Variants in EDIL3 observed in about 807,000 individuals in gnomAD.
EDIL3 encodes the protein EGF-like repeat and discoidin I-like domain-containing protein 3.
Under a neutral mutation model 67.4 loss-of-function variants are expected in EDIL3, and 37 were observed. The ratio of observed to expected loss-of-function variants is 0.55; its 90% CI spans 0.42 to 0.72. EDIL3 has a LOEUF of 0.72. Among genes scored for constraint, EDIL3 ranks in the 30% least tolerant of loss-of-function variants. EDIL3 has a pLI of 0.00. For synonymous variants in EDIL3, 195 were observed against 196.3 expected (o/e 0.99, Z 0.05); for missense variants, 527 against 586.3 (o/e 0.90, Z 1.04).
At chr5:84,257,642 A>T (rs1745145434) in intron 1 of EDIL3, among the ~76,000 whole-genome samples, 1 of 152,154 alleles carries the variant, frequency 6.6e-6, no homozygotes, top group African/African-American at 2.4e-5. Context: ...AATATAGTAG[A>T]TTCAGTTTTA....
chr5:84,343,634 A>G (rs143494131), intron 1 of EDIL3, among the ~76,000 whole-genome samples: 1,910 of 152,166 alleles, frequency 0.013, 50 homozygotes, highest in African/African-American at 0.044. Flanking sequence ...ATCTAACCAA[A>G]CAAACATTAA....
chr5:84,126,043 A>T (rs955685723), intron 5 of EDIL3, among the ~76,000 whole-genome samples: 5 of 151,984 alleles, frequency 3.3e-5, no homozygotes, highest in African/African-American at 1.2e-4. Flanking sequence ...TACAGGTTAC[A>T]AAGTGACTAA....
At chr5:84,322,887 C>CGT (rs1363155613) in intron 1 of EDIL3, among the ~76,000 whole-genome samples, 1 of 151,944 alleles carries the variant, frequency 6.6e-6, no homozygotes, top group East Asian at 1.9e-4. Context: ...AGAAACTATA[C>CGT]AGACCAGAAG....
intron 6 of EDIL3, among the ~76,000 whole-genome samples, chr5:84,100,483 C>A (rs1280852695): frequency 6.6e-6 from 1 of 151,992 alleles, no homozygotes; most frequent in Non-Finnish European, 1.5e-5. Flanking sequence ...AAAAGAAAAC[C>A]AAACACCACA....
intron 3 of EDIL3, among the ~76,000 whole-genome samples, chr5:84,191,943 G>T (rs2112368590): frequency 6.6e-6 from 1 of 152,036 alleles, no homozygotes; most frequent in East Asian, 1.9e-4. Flanking sequence ...AAATATGTGA[G>T]GGGCTTTATC....
chr5:84,036,141 C>A (rs1746018502), intron 9 of EDIL3, among the ~76,000 whole-genome samples: 2 of 152,126 alleles, frequency 1.3e-5, no homozygotes, highest in African/African-American at 4.8e-5. Context: ...TCCTGAGTAA[C>A]CTGAATGATG....
At chr5:84,208,419 C>T (rs1023446586) in intron 3 of EDIL3, among the ~76,000 whole-genome samples, 1 of 151,884 alleles carries the variant, frequency 6.6e-6, no homozygotes, top group Non-Finnish European at 1.5e-5. Flanking sequence ...GTGGCTCACG[C>T]CTGTAATCCC....
chr5:84,343,394 A>T (rs1294079869), intron 1 of EDIL3, among the ~76,000 whole-genome samples: 1 of 152,026 alleles, frequency 6.6e-6, no homozygotes, highest in Admixed American at 6.6e-5. Flanking sequence ...CAGGTCTTTA[A>T]GTCCTTTTAA....
At chr5:84,205,108 G>T (rs1046568921) in intron 3 of EDIL3, among the ~76,000 whole-genome samples, 11 of 149,980 alleles carry the variant, frequency 7.3e-5, no homozygotes, top group African/African-American at 2.7e-4. Context: ...TAGAGATAGG[G>T]TCTCACCTTG....
intron 1 of EDIL3, among the ~76,000 whole-genome samples, chr5:84,384,086 C>T (rs1399165533): frequency 6.6e-6 from 1 of 152,116 alleles, no homozygotes; most frequent in Admixed American, 6.5e-5. Flanking sequence ...CTGTATCTCA[C>T]CCCGGTACCC....
At chr5:84,159,144 C>T (rs1337634087) in intron 4 of EDIL3, among the ~76,000 whole-genome samples, 1 of 152,016 alleles carries the variant, frequency 6.6e-6, no homozygotes, top group Non-Finnish European at 1.5e-5. Flanking sequence ...CTTTTTGCCA[C>T]TCTGCAATAC....
At chr5:84,241,731 A>G (rs1744797292) in intron 2 of EDIL3, among the ~76,000 whole-genome samples, 1 of 151,512 alleles carries the variant, frequency 6.6e-6, no homozygotes, top group African/African-American at 2.4e-5. Flanking sequence ...GTCAGTACTT[A>G]TTGGACATTT....
intron 9 of EDIL3, among the ~76,000 whole-genome samples, chr5:84,034,685 A>G (rs751925780): frequency 3.3e-5 from 5 of 152,220 alleles, no homozygotes; most frequent in Non-Finnish European, 7.3e-5. Flanking sequence ...CAGTTCTACA[A>G]TAATCCCTTG....
At chr5:84,099,585 G>A (rs1024611318) in intron 6 of EDIL3, among the ~76,000 whole-genome samples, 3 of 138,028 alleles carry the variant, frequency 2.2e-5, no homozygotes, top group African/African-American at 8.4e-5. Flanking sequence ...ACTCAAGATG[G>A]ATTAAAGACT....
chr5:84,201,847 A>G (rs1030063413), intron 3 of EDIL3, among the ~76,000 whole-genome samples: 2 of 152,154 alleles, frequency 1.3e-5, no homozygotes, highest in South Asian at 4.1e-4. Context: ...ATGAAATTCT[A>G]TTCAATGCAA....
chr5:84,235,083 C>T (rs937477924), intron 2 of EDIL3, among the ~76,000 whole-genome samples: 11 of 152,114 alleles, frequency 7.2e-5, no homozygotes, highest in African/African-American at 2.7e-4. Context: ...TGCCTGCGGA[C>T]GTATCCATAG....
At chr5:84,143,605 A>G (rs1580347561) in intron 4 of EDIL3, among the ~76,000 whole-genome samples, 1 of 152,190 alleles carries the variant, frequency 6.6e-6, no homozygotes, top group Non-Finnish European at 1.5e-5. Context: ...ATTCCAATAA[A>G]GTTTTATTTG....
At chr5:84,002,255 T>C (rs1745344470) in intron 9 of EDIL3, among the ~76,000 whole-genome samples, 1 of 151,954 alleles carries the variant, frequency 6.6e-6, no homozygotes, top group Non-Finnish European at 1.5e-5. Flanking sequence ...ACCCCTCAAA[T>C]AACTGGGGAT....
intron 9 of EDIL3, among the ~76,000 whole-genome samples, chr5:84,056,233 A>G (rs1442504942): frequency 2.0e-5 from 3 of 151,886 alleles, no homozygotes; most frequent in East Asian, 1.9e-4. Flanking sequence ...AAAAAACCAA[A>G]CACCGCATGT....
Sources: gnomAD v4.1 joint callset for allele counts (sites outside exome capture counted in the v4.1 genomes callset) on GRCh38, gnomAD v4.1.1 for gene constraint, MANE v1.5 for transcripts, NCBI Gene and HGNC (gene_info 2026-07-23, HGNC 2026-07-21) for gene names.